The following CDH12 variants were observed in gnomAD, a reference collection of about 807,000 sequenced individuals.
CDH12 encodes cadherin 12, also known as cadherin-12.
CDH12 carries 41 observed loss-of-function variants against 74.1 expected under a neutral mutation model. The ratio of observed to expected loss-of-function variants is 0.55; its 90% CI spans 0.43 to 0.72. The LOEUF is 0.72. Among genes scored for constraint, CDH12 ranks in the 30% least tolerant of loss-of-function variants. CDH12 has a pLI of 0.00. For missense variants in CDH12, 945 were observed against 977.2 expected, an observed-to-expected ratio of 0.97 and a Z score of 0.44; for synonymous variants, 399 against 355.0, an observed-to-expected ratio of 1.12 and a Z score of -1.39.
intron 3 of CDH12, among the ~76,000 whole-genome samples, chr5:22,302,145 T>C (rs1386435225): frequency 6.6e-6 from 1 of 152,144 alleles, no homozygotes. Context: ...GAAAACTCAT[T>C]TCAGACATAA....
chr5:22,708,198 AAC>A (rs1444650458), intron 1 of CDH12, among the ~76,000 whole-genome samples: 1 of 152,160 alleles, frequency 6.6e-6, no homozygotes, highest in Non-Finnish European at 1.5e-5. Flanking sequence ...TCATGTACTA[AAC>A]ACACACATAT....
chr5:21,753,081 G>C (rs181114168), intron 14 of CDH12, among the ~76,000 whole-genome samples: 10 of 152,292 alleles, frequency 6.6e-5, no homozygotes, highest in Admixed American at 6.5e-4. Flanking sequence ...AATAGGCACA[G>C]ATACAAATGA....
At position 21,864,767 on chromosome 5, in the gene CDH12, A is replaced by C. The variant is rs528662333; in HGVS notation, c.527-9977T>G. Among the ~76,000 whole-genome samples the C allele has an allele frequency of 2.0e-5, 3 of 152,328 alleles. No homozygotes were observed. In the South Asian group the frequency reaches 6.2e-4, roughly 32 times the overall value. On this transcript the variant is annotated intron_variant, in intron 6 of 14. Transcript: ENST00000382254. The stretch of plus-strand genomic sequence containing the variant: ...AAACCTAGATCACCATGAACACAGT[A>C]TTAAGAGAAATTCTGGTGAGGGCTC...
chr5:22,566,898 G>A (rs911778676), intron 1 of CDH12, among the ~76,000 whole-genome samples: 1 of 152,074 alleles, frequency 6.6e-6, no homozygotes, highest in Admixed American at 6.6e-5. Flanking sequence ...ATCATGTGCT[G>A]TACATTCTAT....
chr5:22,044,999 T>C (rs1739835842), intron 5 of CDH12, among the ~76,000 whole-genome samples: 4 of 152,186 alleles, frequency 2.6e-5, no homozygotes, highest in South Asian at 2.1e-4. Context: ...AGACAACTTA[T>C]AGAATGGGAA....
intron 1 of CDH12, among the ~76,000 whole-genome samples, chr5:22,606,143 TG>T (rs1277430791): frequency 6.6e-6 from 1 of 152,190 alleles, no homozygotes; most frequent in Non-Finnish European, 1.5e-5. Context: ...AGCAGCTTGT[TG>T]TTCCTGTTCC....
rs1055670903 is a variant in CDH12 at position 22,548,634 on chromosome 5, C to T, written c.-522-43270G>A. 4.6e-5 allele frequency among the ~76,000 whole-genome samples: 7 copies of T among 152,132 alleles called. No homozygotes were observed. The East Asian group carries it at 5.8e-4, about 13-fold the overall frequency. ...TCTCTTGGCCACAGAAGGGAGTCTC[C>T]GTGAGAATCGGTGCCTCTTGTGTGT... is the stretch of plus-strand genomic sequence containing the variant. On this transcript the variant is annotated intron_variant, in intron 1 of 14. Coordinates refer to ENST00000382254, the MANE Select transcript of CDH12 (RefSeq NM_004061.5).
chr5:22,413,537 T>G lies in CDH12; in HGVS notation c.-427-8186A>C, dbSNP rs369427536. ...AAGGATAGGGGTCGAAGTAAAATTA[T>G]ATTGCTTTGAAAAGTGAATAAACGG... On this transcript the variant is annotated intron_variant, in intron 2 of 14. Coordinates refer to ENST00000382254, the MANE Select transcript of CDH12 (RefSeq NM_004061.5). Among the ~76,000 whole-genome samples the G allele has an allele frequency of 1.3e-4, 20 of 152,116 alleles. No homozygotes were observed. The East Asian group carries it at 3.5e-3, about 26-fold the overall frequency.
At chr5:22,510,735 A>G (rs2126670754) in intron 1 of CDH12, among the ~76,000 whole-genome samples, 1 of 152,144 alleles carries the variant, frequency 6.6e-6, no homozygotes, top group South Asian at 2.1e-4. Context: ...TGTTATAATT[A>G]TTTTTCTAAT....
intron 1 of CDH12, among the ~76,000 whole-genome samples, chr5:22,768,764 T>A (rs1260417517): frequency 1.3e-5 from 2 of 152,126 alleles, no homozygotes; most frequent in Non-Finnish European, 2.9e-5. Context: ...TTGCACCTCA[T>A]TTTAAAAAAT....
chr5:22,444,183 G>A lies in CDH12; in HGVS notation c.-427-38832C>T, dbSNP rs185692370. Among the ~76,000 whole-genome samples the A allele has an allele frequency of 2.2e-3, 330 of 152,104 alleles. 1 individual carries two copies. The highest frequency in any genetic ancestry group is 3.8e-3 in the Non-Finnish European group (256 of 67,982). ...TCATCTTAAATGTAGTTCACTTGGAGTGTCACTAAAACACAAACATTACAT... is the reference window on the plus strand; with the variant it reads ...TCATCTTAAATGTAGTTCACTTGGAATGTCACTAAAACACAAACATTACAT... On this transcript the variant is annotated intron_variant, in intron 2 of 14. Coordinates refer to ENST00000382254, the MANE Select transcript of CDH12 (RefSeq NM_004061.5).
chr5:22,362,947 G>T (rs977058729), intron 3 of CDH12, among the ~76,000 whole-genome samples: 1 of 113,598 alleles, frequency 8.8e-6, no homozygotes, highest in Non-Finnish European at 1.8e-5. Flanking sequence ...GGGGGGAGGG[G>T]GGAGGGATAG....
At chr5:21,859,110 C>T (rs140300597) in intron 6 of CDH12, among the ~76,000 whole-genome samples, 53 of 152,012 alleles carry the variant, frequency 3.5e-4, no homozygotes, top group African/African-American at 1.2e-3. Context: ...GTGTATACTT[C>T]GAGCAACATC....
At chr5:21,862,393 A>G (rs1018616570) in intron 6 of CDH12, among the ~76,000 whole-genome samples, 27 of 152,154 alleles carry the variant, frequency 1.8e-4, no homozygotes, top group Non-Finnish European at 3.7e-4. Flanking sequence ...CTTGAAGGCC[A>G]GTGATGTTAA....
At chr5:22,247,453 G>A (rs569045315) in intron 3 of CDH12, among the ~76,000 whole-genome samples, 2 of 152,198 alleles carry the variant, frequency 1.3e-5, no homozygotes, top group African/African-American at 2.4e-5. Flanking sequence ...GAGGTGGGTG[G>A]ATCACGAGGT....
At chr5:22,728,761 CAG>C (rs371518594) in intron 1 of CDH12, among the ~76,000 whole-genome samples, 2 of 151,226 alleles carry the variant, frequency 1.3e-5, no homozygotes, top group Non-Finnish European at 1.5e-5. Flanking sequence ...TGGCGGAGAG[CAG>C]AGAGAGAGAG....
At chr5:22,389,347 C>G (rs1417184859) in intron 3 of CDH12, among the ~76,000 whole-genome samples, 1 of 152,060 alleles carries the variant, frequency 6.6e-6, no homozygotes, top group Non-Finnish European at 1.5e-5. Flanking sequence ...TAAGGACAAG[C>G]TGACTTAAAC....
At position 22,784,621 on chromosome 5, in the gene CDH12, A is replaced by G. The variant is rs1032699837; in HGVS notation, c.-523+68437T>C. Among the ~76,000 whole-genome samples, 23 of 152,228 alleles carry G rather than the reference A, an allele frequency of 1.5e-4. No homozygotes were observed. In the East Asian group the frequency reaches 2.1e-3, roughly 14 times the overall value. ...TGTTACTTGGATGGCAAACTCATCA[A>G]TCTACCAGTTCATCCTACTTCCCTC... On this transcript the variant is annotated intron_variant, in intron 1 of 14. Coordinates refer to ENST00000382254, the MANE Select transcript of CDH12 (RefSeq NM_004061.5).
chr5:22,333,973 A>G lies in CDH12; in HGVS notation c.-333+71284T>C, dbSNP rs138680190. ...TTTAAAAATTGAGTATAGAAGGAAC[A>G]GACCTCAACCTAATTAAAGCCATGT... On this transcript the variant is annotated intron_variant, in intron 3 of 14. Transcript: ENST00000382254. Among the ~76,000 whole-genome samples the G allele has an allele frequency of 5.1e-3, 776 of 152,324 alleles. 3 individuals carry two copies. The highest frequency in any genetic ancestry group is 8.9e-3 in the Non-Finnish European group (605 of 68,026).
Sources: allele counts gnomAD v4.1 joint callset (sites outside exome capture counted in the v4.1 genomes callset), GRCh38; gene constraint gnomAD v4.1.1; transcripts MANE v1.5; gene names NCBI Gene and HGNC (gene_info 2026-07-23, HGNC 2026-07-21).